The following ATF7IP2 variants were observed in gnomAD, a reference collection of about 807,000 sequenced individuals.
ATF7IP2 encodes the protein activating transcription factor 7 interacting protein 2.
Under a neutral mutation model 64.2 loss-of-function variants are expected in ATF7IP2, and 42 were observed. The observed-to-expected ratio is 0.65, with a 90% confidence interval of 0.51 to 0.85. The LOEUF (loss-of-function observed/expected upper bound fraction) is 0.85, where lower values mean the gene tolerates loss of function less well. Ranked by LOEUF, ATF7IP2 falls within the 40% of genes least tolerant of loss-of-function variation. The probability of loss-of-function intolerance (pLI) is 0.00; values close to 1 mark genes in which losing one functional copy is unlikely to be tolerated. For synonymous variants in ATF7IP2, 308 were observed against 272.8 expected (o/e 1.13, Z -1.27); for missense variants, 933 against 784.2 (o/e 1.19, Z -2.27).
chr16:10,401,785 T>C (rs981234045), intron 1 of ATF7IP2, among the ~76,000 whole-genome samples: 1 of 150,480 alleles, frequency 6.6e-6, no homozygotes, highest in Non-Finnish European at 1.5e-5. Context: ...TGATTCAGTC[T>C]CACTAATTAT....
chr16:10,432,432 A>G (rs1046861344), intron 5 of ATF7IP2, among the ~76,000 whole-genome samples: 11 of 152,180 alleles, frequency 7.2e-5, no homozygotes, highest in Admixed American at 2.0e-4. Flanking sequence ...TAATAACAGT[A>G]TCATCTATTT....
chr16:10,444,530 G>T (rs2048739215), intron 8 of ATF7IP2, among the ~76,000 whole-genome samples: 1 of 152,200 alleles, frequency 6.6e-6, no homozygotes, highest in Admixed American at 6.5e-5. Context: ...CAAAGTAGAA[G>T]ATAGACCAAG....
chr16:10,386,936 A>G (rs1299714857), intron 1 of ATF7IP2: 5 of 152,174 alleles, frequency 3.3e-5, no homozygotes, highest in Non-Finnish European at 7.3e-5. Flanking sequence ...CTGTGTTGAA[A>G]ATGAAGTTTC....
At chr16:10,428,051 C>T (rs1039366750) in intron 3 of ATF7IP2, among the ~76,000 whole-genome samples, 3 of 151,934 alleles carry the variant, frequency 2.0e-5, no homozygotes, top group African/African-American at 4.8e-5. Context: ...TGCTCAACAA[C>T]AAAATTAAAC....
chr16:10,479,958 C>CTTTTTTTTTT (rs201158427), intron 12 of ATF7IP2, among the ~76,000 whole-genome samples: 2 of 80,586 alleles, frequency 2.5e-5, no homozygotes, highest in East Asian at 3.8e-4. Context: ...ACTGGAAATA[C>CTTTTTTTTTT]TTTTTTTTTT....
At chr16:10,431,820 CTTTTTTTTTTTT>C (rs35046235) in intron 5 of ATF7IP2, among the ~76,000 whole-genome samples, 1 of 113,298 alleles carries the variant, frequency 8.8e-6, no homozygotes, top group Non-Finnish European at 1.8e-5. Context: ...AACCCTATTT[CTTTTTTTTTTTT>C]TTTTTTTTTG....
At chr16:10,404,856 C>A (rs1488431233) in intron 1 of ATF7IP2, among the ~76,000 whole-genome samples, 1 of 151,928 alleles carries the variant, frequency 6.6e-6, no homozygotes, top group African/African-American at 2.4e-5. Context: ...AGTAACCTTA[C>A]AAGTCAGAAT....
At chr16:10,393,783 C>A (rs2047373686) in intron 1 of ATF7IP2, among the ~76,000 whole-genome samples, 1 of 152,122 alleles carries the variant, frequency 6.6e-6, no homozygotes, top group African/African-American at 2.4e-5. Flanking sequence ...TACAGTGGCT[C>A]ATGTCTGGAA....
intron 1 of ATF7IP2, among the ~76,000 whole-genome samples, chr16:10,396,530 T>G (rs941331942): frequency 4.6e-5 from 7 of 152,188 alleles, no homozygotes; most frequent in African/African-American, 1.7e-4. Context: ...TAAGTTTGTT[T>G]TCTTTTTTTC....
chr16:10,422,157 G>C (rs901587828), intron 3 of ATF7IP2, among the ~76,000 whole-genome samples: 4 of 152,174 alleles, frequency 2.6e-5, no homozygotes, highest in African/African-American at 9.7e-5. Context: ...CAGTAACTAA[G>C]TCCTCTAAAG....
chr16:10,474,644 A>G (rs960494973), intron 12 of ATF7IP2, among the ~76,000 whole-genome samples: 3 of 152,222 alleles, frequency 2.0e-5, no homozygotes, highest in African/African-American at 7.2e-5. Flanking sequence ...ATAAGGTCTC[A>G]TTGGAATTTA....
At position 10,445,142 on chromosome 16, in the gene ATF7IP2, C is replaced by CT. The variant is rs570309714; in HGVS notation, c.1194+4681dup. Among the ~76,000 whole-genome samples, 46 of 152,318 alleles carry CT rather than the reference C, an allele frequency of 3.0e-4. No individual in the cohort carries two copies. The South Asian group carries it at 9.5e-3, about 32-fold the overall frequency. ...ATAAATTCCTATACACCCATAAACT[C>CT]TGAGAACTGCATCACACATAGCTTG... On this transcript the variant is annotated intron_variant, in intron 8 of 13. Transcript: ENST00000562102.
chr16:10,398,316 AT>A (rs1254023398), intron 1 of ATF7IP2, among the ~76,000 whole-genome samples: 5 of 146,726 alleles, frequency 3.4e-5, no homozygotes, highest in Non-Finnish European at 5.9e-5. Flanking sequence ...AAAAAAAAAA[AT>A]AATAATAAAT....
chr16:10,432,591 G>A (rs575685682), intron 5 of ATF7IP2, among the ~76,000 whole-genome samples: 3 of 152,184 alleles, frequency 2.0e-5, no homozygotes, highest in Admixed American at 6.5e-5. Flanking sequence ...AAAAGAAGCC[G>A]GGCGCTGTGC....
intron 7 of ATF7IP2, 54 bp from the exon 8 acceptor site, chr16:10,440,310 A>G (rs2048571681): frequency 1.3e-5 from 11 of 840,496 alleles, no homozygotes; most frequent in Non-Finnish European, 1.5e-5. Context: ...CTCTATCTCT[A>G]TGTGATATAT....
At chr16:10,454,753 A>C (rs2049112164) in intron 8 of ATF7IP2, among the ~76,000 whole-genome samples, 1 of 152,172 alleles carries the variant, frequency 6.6e-6, no homozygotes, top group Non-Finnish European at 1.5e-5. Flanking sequence ...CTTAATGCAA[A>C]TATTATAATC....
At chr16:10,436,244 C>G (rs1171316023) in intron 6 of ATF7IP2, among the ~76,000 whole-genome samples, 1 of 152,110 alleles carries the variant, frequency 6.6e-6, no homozygotes, top group Non-Finnish European at 1.5e-5. Context: ...TGCCTGTAGG[C>G]TCAGCTACTA....
intron 8 of ATF7IP2, among the ~76,000 whole-genome samples, chr16:10,455,467 C>T (rs575369443): frequency 6.6e-6 from 1 of 152,294 alleles, no homozygotes; most frequent in Non-Finnish European, 1.5e-5. Context: ...GCTTCTAAAG[C>T]TGTGATAAAA....
chr16:10,435,582 TAGTCTAA>T (rs1283740518), intron 6 of ATF7IP2, among the ~76,000 whole-genome samples: 1 of 152,204 alleles, frequency 6.6e-6, no homozygotes, highest in Non-Finnish European at 1.5e-5. Flanking sequence ...AACAAGTGTA[TAGTCTAA>T]CCAAGAGGAG....
Sources: gnomAD v4.1 joint callset for allele counts (sites outside exome capture counted in the v4.1 genomes callset) on GRCh38, gnomAD v4.1.1 for gene constraint, MANE v1.5 for transcripts, NCBI Gene and HGNC (gene_info 2026-07-23, HGNC 2026-07-21) for gene names.